NTRK2: variants seen among roughly 807,000 people sequenced by gnomAD.
NTRK2 encodes the protein BDNF/NT-3 growth factors receptor.
A neutral mutation model predicts 94.5 loss-of-function variants in NTRK2; 13 were observed. That is an observed-to-expected ratio of 0.14 (90% CI 0.09 to 0.22). The LOEUF (loss-of-function observed/expected upper bound fraction) is 0.22. Ranked by LOEUF, NTRK2 falls within the 10% of genes least tolerant of loss-of-function variation. The pLI is 1.00. For synonymous variants in NTRK2, 372 were observed against 407.4 expected (o/e 0.91, Z 1.05); for missense variants, 639 against 1,071.2 (o/e 0.60, Z 5.63).
intron 16 of NTRK2, among the ~76,000 whole-genome samples, chr9:84,950,605 T>C (rs79859434): frequency 7.0e-6 from 1 of 143,844 alleles, no homozygotes; most frequent in Non-Finnish European, 1.5e-5. Flanking sequence ...TTTTTTTTTT[T>C]AATTTAGCTA....
chr9:84,991,885 G>A (rs928844547), intron 17 of NTRK2, among the ~76,000 whole-genome samples: 1 of 152,144 alleles, frequency 6.6e-6, no homozygotes, highest in East Asian at 1.9e-4. Context: ...CCTGTCTGAA[G>A]GTACCTGTCT....
intron 14 of NTRK2, among the ~76,000 whole-genome samples, chr9:84,931,800 A>G (rs2078046116): frequency 6.6e-6 from 1 of 152,014 alleles, no homozygotes; most frequent in African/African-American, 2.4e-5. Flanking sequence ...TGGGAATTTA[A>G]TTCCCAATGA....
At chr9:85,015,276 C>T (rs544748696) in intron 17 of NTRK2, among the ~76,000 whole-genome samples, 19 of 152,066 alleles carry the variant, frequency 1.2e-4, no homozygotes, top group Non-Finnish European at 2.8e-4. Context: ...GGTGGCAAAC[C>T]GAGACATGGG....
At chr9:84,789,160 A>G (rs185938288) in intron 12 of NTRK2, among the ~76,000 whole-genome samples, 3 of 152,308 alleles carry the variant, frequency 2.0e-5, no homozygotes, top group East Asian at 1.9e-4. Context: ...CTCTCATTCA[A>G]TGGCACGCAG....
At chr9:84,715,240 A>T (rs899970081) in intron 6 of NTRK2, among the ~76,000 whole-genome samples, 3 of 152,224 alleles carry the variant, frequency 2.0e-5, no homozygotes, top group African/African-American at 7.2e-5. Context: ...GTTAATTAAA[A>T]ATAACTTACA....
At chr9:84,862,803 A>G (rs1380958402) in intron 13 of NTRK2, among the ~76,000 whole-genome samples, 1 of 152,084 alleles carries the variant, frequency 6.6e-6, no homozygotes, top group Non-Finnish European at 1.5e-5. Flanking sequence ...CCAGGTAAGG[A>G]ACTGGGGAGG....
intron 17 of NTRK2, among the ~76,000 whole-genome samples, chr9:85,008,831 T>C (rs1396878958): frequency 6.6e-6 from 1 of 152,120 alleles, no homozygotes; most frequent in Non-Finnish European, 1.5e-5. Context: ...GCGGCAAGGG[T>C]TTCACTGTTA....
intron 3 of NTRK2, 57 bp from the exon 4 acceptor site, chr9:84,702,291 G>T: frequency 6.2e-7 from 1 of 1,608,012 alleles, no homozygotes; most frequent in Non-Finnish European, 8.5e-7. Context: ...GTCTGCTCTG[G>T]TCAGGCAGGC....
At chr9:84,771,102 G>C (rs1287278379) in intron 12 of NTRK2, among the ~76,000 whole-genome samples, 1 of 152,210 alleles carries the variant, frequency 6.6e-6, no homozygotes, top group Non-Finnish European at 1.5e-5. Context: ...ATAAGAGCTT[G>C]AGTCATGTCA....
At position 84,934,212 on chromosome 9, in the gene NTRK2, G is replaced by A; in HGVS notation, c.1684G>A (p.Glu562Lys). 1 of 1,614,008 alleles carries A rather than the reference G, an allele frequency of 6.2e-7. No homozygotes were observed. The highest frequency in any genetic ancestry group is 8.5e-7 in the Non-Finnish European group (1 of 1,179,922). Reference sequence around the variant, plus strand: ...CATTGTTCTGAAAAGGGAGCTAGGCGAAGGAGCCTTTGGAAAAGTGTTCCT... The same window carrying A: ...CATTGTTCTGAAAAGGGAGCTAGGCAAAGGAGCCTTTGGAAAAGTGTTCCT... ...HNIVLKRELGEGAFGKVFLAE... is the reference protein window; with the variant it reads ...HNIVLKRELGKGAFGKVFLAE... Residue 562 changes from glutamate (E) to lysine (K), a missense_variant, in exon 15 of 19, where the codon GAA becomes AAA. Physicochemically the swap from Glu to Lys is moderately conservative, Grantham distance 56. Transcript: ENST00000277120.
chr9:85,000,942 G>C (rs996445481), intron 17 of NTRK2, among the ~76,000 whole-genome samples: 1 of 152,192 alleles, frequency 6.6e-6, no homozygotes, highest in African/African-American at 2.4e-5. Flanking sequence ...CAGTGTTCTG[G>C]ATTTTAGCCA....
At chr9:84,849,418 T>C (rs1438171847) in intron 12 of NTRK2, among the ~76,000 whole-genome samples, 2 of 152,188 alleles carry the variant, frequency 1.3e-5, no homozygotes, top group Non-Finnish European at 2.9e-5. Flanking sequence ...AATTATCTTC[T>C]GGGCAAGGAA....
chr9:84,869,459 T>C (rs529675884), intron 14 of NTRK2, among the ~76,000 whole-genome samples: 1 of 152,324 alleles, frequency 6.6e-6, no homozygotes, highest in South Asian at 2.1e-4. Flanking sequence ...ACACTTAAAA[T>C]AACAAATCTT....
At position 84,705,665 on chromosome 9, in the gene NTRK2, G is replaced by A. The variant is rs183885089; in HGVS notation, c.360-2179G>A. ...GAGGAAAGCAGGTTTTTGGTTTTTC[G>A]TTTGTTTGTTTTAGAAAGATTGGGA... On this transcript the variant is annotated intron_variant, in intron 4 of 18. Coordinates refer to ENST00000277120, the MANE Select transcript of NTRK2 (RefSeq NM_006180.6). 1.7e-3 allele frequency among the ~76,000 whole-genome samples: 251 copies of A among 151,704 alleles called. 2 individuals carry two copies. Among genetic ancestry groups the A allele is most frequent in the Admixed American group, 3.5e-3 (54 of 15,234 alleles).
chr9:84,800,281 C>A (rs2133372584), intron 12 of NTRK2, among the ~76,000 whole-genome samples: 1 of 152,208 alleles, frequency 6.6e-6, no homozygotes, highest in African/African-American at 2.4e-5. Flanking sequence ...AGGCCCACTG[C>A]AACCTGTGCC....
intron 14 of NTRK2, among the ~76,000 whole-genome samples, chr9:84,884,929 G>A (rs2076367742): frequency 2.6e-5 from 4 of 152,128 alleles, no homozygotes; most frequent in African/African-American, 9.7e-5. Context: ...GAATCAATGT[G>A]TCTTTTCACA....
chr9:84,959,164 C>G (rs1239972458), intron 17 of NTRK2, among the ~76,000 whole-genome samples: 1 of 152,146 alleles, frequency 6.6e-6, no homozygotes, highest in Non-Finnish European at 1.5e-5. Context: ...TATCCCTATC[C>G]TCTTCAACAC....
intron 17 of NTRK2, among the ~76,000 whole-genome samples, chr9:84,965,901 A>G (rs921780085): frequency 6.6e-6 from 1 of 152,194 alleles, no homozygotes; most frequent in Non-Finnish European, 1.5e-5. Context: ...CTATATGTCT[A>G]TGTATGAGAG....
At chr9:84,697,631 T>A (rs1010524949) in intron 2 of NTRK2, among the ~76,000 whole-genome samples, 2 of 152,202 alleles carry the variant, frequency 1.3e-5, no homozygotes, top group Non-Finnish European at 1.5e-5. Context: ...GCCTTTGGGA[T>A]CAGTTGCCCT....
Sources: allele counts gnomAD v4.1 joint callset (sites outside exome capture counted in the v4.1 genomes callset), GRCh38; gene constraint gnomAD v4.1.1; transcripts MANE v1.5; gene names NCBI Gene and HGNC (gene_info 2026-07-23, HGNC 2026-07-21).